AKAP6: variants seen among roughly 807,000 people sequenced by gnomAD.
AKAP6 encodes A-kinase anchoring protein 6.
AKAP6 carries 58 observed loss-of-function variants against 188.5 expected under a neutral mutation model. The observed-to-expected ratio is 0.31, with a 90% CI of 0.25 to 0.38. The LOEUF is 0.38. Ranked by LOEUF, AKAP6 falls within the 10% of genes least tolerant of loss-of-function variation. The pLI is 1.00. For synonymous variants in AKAP6, 989 were observed against 998.6 expected (o/e 0.99, Z 0.18); for missense variants, 2,710 against 2,740.0 (o/e 0.99, Z 0.24).
chr14:32,720,289 G>GTT (rs2030463150), intron 9 of AKAP6, among the ~76,000 whole-genome samples: 1 of 152,170 alleles, frequency 6.6e-6, no homozygotes. Context: ...TAACATTTAT[G>GTT]TTTTTATAGA....
intron 11 of AKAP6, among the ~76,000 whole-genome samples, chr14:32,753,231 A>G (rs775986157): frequency 1.1e-4 from 17 of 152,244 alleles, no homozygotes; most frequent in Admixed American, 4.6e-4. Context: ...CTTTTTGATA[A>G]TAGCCATTCT....
chr14:32,470,352 G>A (rs2138858109), intron 2 of AKAP6, among the ~76,000 whole-genome samples: 1 of 152,206 alleles, frequency 6.6e-6, no homozygotes, highest in East Asian at 1.9e-4. Context: ...ATCCCTGCCA[G>A]AAGACTGAAC....
At chr14:32,571,526 T>G (rs1305931587) in intron 4 of AKAP6, among the ~76,000 whole-genome samples, 1 of 152,128 alleles carries the variant, frequency 6.6e-6, no homozygotes, top group Non-Finnish European at 1.5e-5. Flanking sequence ...AGACCCTGTC[T>G]CTAAAAAATA....
chr14:32,572,144 G>A (rs1884518192), intron 4 of AKAP6, among the ~76,000 whole-genome samples: 1 of 152,162 alleles, frequency 6.6e-6, no homozygotes, highest in Non-Finnish European at 1.5e-5. Context: ...TTTCTAGAGG[G>A]TGGTGTGGTA....
rs376212160 is a variant in AKAP6, at chr14:32,671,106, G to A, written c.2731-7205G>A. 7.9e-5 allele frequency among the ~76,000 whole-genome samples: 12 copies of A among 152,280 alleles called. No homozygotes were observed. The East Asian group carries it at 9.7e-4, about 12-fold the overall frequency. On this transcript the variant is annotated intron_variant, in intron 7 of 13. Coordinates refer to ENST00000280979, the MANE Select transcript of AKAP6 (RefSeq NM_004274.5). ...ACATGTGATAAGTATGTAGGAAAGA[G>A]GATAGGGATTTCTAGGGGTGGGGGT...
chr14:32,601,237 A>T (rs990028628), intron 7 of AKAP6, among the ~76,000 whole-genome samples: 2 of 152,202 alleles, frequency 1.3e-5, no homozygotes, highest in Non-Finnish European at 2.9e-5. Context: ...TCATTATCTC[A>T]TTCCTGTTAA....
At chr14:32,569,703 C>G (rs928677280) in intron 4 of AKAP6, among the ~76,000 whole-genome samples, 3 of 152,170 alleles carry the variant, frequency 2.0e-5, no homozygotes, top group African/African-American at 7.2e-5. Flanking sequence ...GTAAAAATCT[C>G]AATGCATAAT....
chr14:32,374,260 A>T (rs540997432), intron 1 of AKAP6, among the ~76,000 whole-genome samples: 2 of 152,330 alleles, frequency 1.3e-5, no homozygotes, highest in African/African-American at 4.8e-5. Context: ...ACAGCTCAAC[A>T]CGGTAAGTGC....
chr14:32,679,069 T>C (rs895820643), intron 8 of AKAP6, among the ~76,000 whole-genome samples: 4 of 152,186 alleles, frequency 2.6e-5, no homozygotes, highest in Non-Finnish European at 5.9e-5. Context: ...ATTCATACTA[T>C]TGAACAGTCA....
chr14:32,359,506 A>C (rs1244167557), intron 1 of AKAP6, among the ~76,000 whole-genome samples: 1 of 151,892 alleles, frequency 6.6e-6, no homozygotes, highest in African/African-American at 2.4e-5. Context: ...TAATTATGGT[A>C]TATTTATCAA....
intron 2 of AKAP6, among the ~76,000 whole-genome samples, chr14:32,506,918 T>TA (rs1408607343): frequency 2.0e-5 from 3 of 152,168 alleles, no homozygotes; most frequent in Non-Finnish European, 4.4e-5. Context: ...CATACACACA[T>TA]ATACACACAC....
At chr14:32,740,762 T>G (rs2031635022) in intron 11 of AKAP6, among the ~76,000 whole-genome samples, 2 of 152,098 alleles carry the variant, frequency 1.3e-5, no homozygotes, top group Admixed American at 1.3e-4. Context: ...CCATGCTATT[T>G]GGTTAACTAC....
Position 32,714,507 on chromosome 14 carries a change from A to G in AKAP6, c.3001-17947A>G, listed in dbSNP as rs1307735462. ...CTGCTTTTGGTTCATTTCAGACCAT[A>G]AAAACATAAATATATATTTTATGAA... On this transcript the variant is annotated intron_variant, in intron 9 of 13. Transcript: ENST00000280979. 2.0e-5 allele frequency among the ~76,000 whole-genome samples: 3 copies of G among 152,004 alleles called. No homozygotes were observed. The East Asian group carries it at 5.8e-4, about 29-fold the overall frequency.
chr14:32,546,559 C>T lies in AKAP6; in HGVS notation c.1906C>T (p.His636Tyr), dbSNP rs1249976002. 3 of 1,614,196 alleles carry T rather than the reference C, an allele frequency of 1.9e-6. No homozygotes were observed. Among genetic ancestry groups the T allele is most frequent in the Admixed American group, 3.3e-5 (2 of 60,016 alleles). Residue 636 changes from histidine to tyrosine, a missense_variant, in exon 4 of 14, where the codon CAC (histidine) becomes TAC (tyrosine). His to Tyr is a moderately conservative substitution (Grantham distance 83). Around this residue, in one of 2 missense-constraint regions of AKAP6, gnomAD observed 2,473 missense variants for 2,426.1 expected, o/e 1.02. Coordinates refer to ENST00000280979, the MANE Select transcript of AKAP6 (RefSeq NM_004274.5). ...GSDEYLALPSHLKQTEVLALK... is the reference protein window; with the variant it reads ...GSDEYLALPSYLKQTEVLALK... ...TGATGAATACCTAGCACTGCCCTCT[C>T]ACCTTAAGCAGACAGAAGTATTGGC... is the stretch of plus-strand genomic sequence containing the variant.
At chr14:32,550,136 G>A (rs558060995) in intron 4 of AKAP6, among the ~76,000 whole-genome samples, 1 of 152,358 alleles carries the variant, frequency 6.6e-6, no homozygotes, top group Admixed American at 6.5e-5. Context: ...GTAAAGAGAT[G>A]TTTTAACCCG....
intron 7 of AKAP6, among the ~76,000 whole-genome samples, chr14:32,676,705 A>C (rs1889441695): frequency 6.6e-6 from 1 of 152,246 alleles, no homozygotes; most frequent in African/African-American, 2.4e-5. Flanking sequence ...CAATTATATA[A>C]CTATAGTTAT....
intron 1 of AKAP6, among the ~76,000 whole-genome samples, chr14:32,343,574 C>G (rs1886961190): frequency 6.6e-6 from 1 of 151,478 alleles, no homozygotes; most frequent in African/African-American, 2.4e-5. Flanking sequence ...CCGTGAAACC[C>G]CATCTCTACT....
intron 9 of AKAP6, among the ~76,000 whole-genome samples, chr14:32,722,564 C>T (rs549148649): frequency 3.9e-5 from 6 of 152,146 alleles, no homozygotes; most frequent in African/African-American, 1.2e-4. Flanking sequence ...ACCCTGTACC[C>T]GTAAAAACCC....
chr14:32,356,779 G>A (rs369448866), intron 1 of AKAP6, among the ~76,000 whole-genome samples: 19 of 151,812 alleles, frequency 1.3e-4, no homozygotes, highest in African/African-American at 2.4e-4. Context: ...TCTGCATGTC[G>A]CTTGATTTTT....
Sources: gnomAD v4.1 joint callset for allele counts (sites outside exome capture counted in the v4.1 genomes callset) on GRCh38, gnomAD v4.1.1 for gene constraint, gnomAD v4.1.1 regional missense constraint, MANE v1.5 for transcripts, NCBI Gene and HGNC (gene_info 2026-07-23, HGNC 2026-07-21) for gene names.